The following PEAK1 variants were observed in gnomAD, a reference collection of about 807,000 sequenced individuals.
PEAK1 encodes pseudopodium enriched atypical kinase 1, also known as inactive tyrosine-protein kinase PEAK1.
PEAK1 carries 54 observed loss-of-function variants against 124.7 expected under a neutral mutation model. The ratio of observed to expected loss-of-function variants is 0.43; its 90% confidence interval spans 0.35 to 0.54. PEAK1 has a LOEUF of 0.54. Ranked by LOEUF, PEAK1 falls within the 20% of genes least tolerant of loss-of-function variation. The pLI is 0.01. For missense variants in PEAK1, 2,046 were observed against 2,134.5 expected (o/e 0.96, Z 0.82); for synonymous variants, 719 against 760.0 (o/e 0.95, Z 0.89).
In PEAK1 at chr15:77,178,958, A is replaced by C; in HGVS notation, c.2969T>G (p.Met990Arg). The stretch of plus-strand genomic sequence containing the variant: ...GCCTTGAGCAGGGTCGCACCTGTAC[A>C]TGAAGACAATGGCTGGTTTCTCACT... ...ESSEKPAIVF[M>R]YRCDPAQGQL... is the part of the protein sequence containing the mutation. The change falls in exon 7 of 10, where the codon ATG becomes AGG. Residue 990 changes from methionine (M) to arginine (R), a missense_variant. By Grantham distance (91) the Met-to-Arg change is moderately conservative (BLOSUM62 -1). Coordinates refer to ENST00000682557, the MANE Select transcript of PEAK1 (RefSeq NM_001385026.1). 1 of 1,614,072 alleles carries C rather than the reference A, an allele frequency of 6.2e-7. No individual in the cohort carries two copies. The highest frequency in any genetic ancestry group is 8.5e-7 in the Non-Finnish European group (1 of 1,180,014).
chr15:77,298,479 A>C (rs1209051231), intron 2 of PEAK1, among the ~76,000 whole-genome samples: 1 of 151,676 alleles, frequency 6.6e-6, no homozygotes, highest in African/African-American at 2.4e-5. Context: ...CTGCCTCCCA[A>C]AGTGCTGGGA....
chr15:77,319,591 G>C (rs1343166742), intron 2 of PEAK1, among the ~76,000 whole-genome samples: 1 of 152,160 alleles, frequency 6.6e-6, no homozygotes, highest in African/African-American at 2.4e-5. Flanking sequence ...CTAGAACACT[G>C]AGATAAAAGG....
intron 6 of PEAK1, among the ~76,000 whole-genome samples, chr15:77,237,517 C>T (rs2060176645): frequency 6.7e-6 from 1 of 149,318 alleles, no homozygotes; most frequent in African/African-American, 2.5e-5. Flanking sequence ...GTTTACATTT[C>T]CTTGTGTTTT....
intron 7 of PEAK1, among the ~76,000 whole-genome samples, chr15:77,166,566 G>A (rs1047455282): frequency 3.3e-5 from 5 of 151,710 alleles, no homozygotes; most frequent in East Asian, 1.9e-4. Context: ...AATGTGCCCC[G>A]GGGGGGAATC....
At chr15:77,375,994 G>A (rs138205577) in intron 1 of PEAK1, among the ~76,000 whole-genome samples, 33,194 of 144,236 alleles carry the variant, frequency 0.23, 4,169 homozygotes, top group Middle Eastern at 0.31. Flanking sequence ...GCGAGACTCC[G>A]TCTCAAAAAT....
intron 2 of PEAK1, among the ~76,000 whole-genome samples, chr15:77,294,046 A>G (rs185338520): frequency 2.2e-4 from 33 of 152,336 alleles, no homozygotes; most frequent in Admixed American, 5.2e-4. Flanking sequence ...GAAAAAGGAC[A>G]GTGCCAGTCA....
intron 6 of PEAK1, among the ~76,000 whole-genome samples, chr15:77,249,063 T>A (rs181766227): frequency 1.0e-3 from 157 of 152,262 alleles, no homozygotes; most frequent in African/African-American, 3.5e-3. Context: ...CCTCAGGTGA[T>A]CCTCCTGCCT....
chr15:77,170,051 G>C (rs557706540), intron 7 of PEAK1, among the ~76,000 whole-genome samples: 4 of 152,250 alleles, frequency 2.6e-5, no homozygotes, highest in African/African-American at 9.6e-5. Flanking sequence ...TTTGATACCC[G>C]ATGATGTTTA....
At chr15:77,341,029 C>A (rs1049912571) in intron 2 of PEAK1, among the ~76,000 whole-genome samples, 1 of 151,736 alleles carries the variant, frequency 6.6e-6, no homozygotes, top group African/African-American at 2.4e-5. Flanking sequence ...CAGATCACTG[C>A]AACTCTTGAT....
At chr15:77,263,733 G>A (rs1324263913) in intron 5 of PEAK1, among the ~76,000 whole-genome samples, 1 of 152,128 alleles carries the variant, frequency 6.6e-6, no homozygotes, top group Non-Finnish European at 1.5e-5. Flanking sequence ...GAAAAAGAGG[G>A]AATCCTCCCT....
chr15:77,348,183 A>C (rs770383635), intron 2 of PEAK1: 148 of 979,014 alleles, frequency 1.5e-4, no homozygotes, highest in Non-Finnish European at 1.4e-4. Context: ...CCACATGCTA[A>C]GAAAAAAAAA....
intron 2 of PEAK1, among the ~76,000 whole-genome samples, chr15:77,319,228 G>GA (rs929001185): frequency 2.7e-5 from 4 of 149,254 alleles, no homozygotes; most frequent in African/African-American, 9.9e-5. Context: ...CGGAAGGTAA[G>GA]AAATAATTTG....
At chr15:77,295,854 T>A (rs540860902) in intron 2 of PEAK1, among the ~76,000 whole-genome samples, 1 of 152,350 alleles carries the variant, frequency 6.6e-6, no homozygotes, top group Admixed American at 6.5e-5. Flanking sequence ...TTTCTCTTCC[T>A]GTTTTATCTG....
At chr15:77,355,753 A>G in intron 2 of PEAK1, 1 of 985,076 alleles carries the variant, frequency 1.0e-6, no homozygotes, top group Non-Finnish European at 1.2e-6. Flanking sequence ...AATTACGTAA[A>G]TCAGGTCTAA....
chr15:77,314,447 C>T (rs2064744272), intron 2 of PEAK1, among the ~76,000 whole-genome samples: 1 of 152,204 alleles, frequency 6.6e-6, no homozygotes, highest in East Asian at 1.9e-4. Context: ...CAGCTCACTG[C>T]AACCTCTGCC....
chr15:77,226,522 G>A (rs1350522930), intron 6 of PEAK1, among the ~76,000 whole-genome samples: 1 of 152,048 alleles, frequency 6.6e-6, no homozygotes, highest in Non-Finnish European at 1.5e-5. Flanking sequence ...TCCAGAGAGT[G>A]TTGTGGAATT....
intron 5 of PEAK1, chr15:77,255,537 G>A (rs139648154): frequency 1.4e-5 from 3 of 215,654 alleles, no homozygotes; most frequent in Non-Finnish European, 7.9e-6. Context: ...CAAAATATGC[G>A]GCCATATGCA....
At chr15:77,362,812 T>C (rs898402155) in intron 2 of PEAK1, among the ~76,000 whole-genome samples, 1 of 151,866 alleles carries the variant, frequency 6.6e-6, no homozygotes, top group African/African-American at 2.4e-5. Context: ...CATATAGATA[T>C]TGTGGATGAA....
intron 2 of PEAK1, among the ~76,000 whole-genome samples, chr15:77,320,632 G>C (rs1328062541): frequency 6.6e-6 from 1 of 152,030 alleles, no homozygotes; most frequent in Admixed American, 6.6e-5. Flanking sequence ...CTGTGCCAAA[G>C]TTTAAGACTT....
Sources: allele counts gnomAD v4.1 joint callset (sites outside exome capture counted in the v4.1 genomes callset), GRCh38; gene constraint gnomAD v4.1.1; transcripts MANE v1.5; gene names NCBI Gene and HGNC (gene_info 2026-07-23, HGNC 2026-07-21).